PCDHA10: variants seen among roughly 807,000 people sequenced by gnomAD.
The protein encoded by PCDHA10 is protocadherin alpha-10.
PCDHA10 carries 45 observed loss-of-function variants against 61.2 expected under a neutral mutation model. That is an observed-to-expected ratio of 0.74 (90% CI 0.58 to 0.94). The LOEUF (loss-of-function observed/expected upper bound fraction) is 0.94, where lower values mean the gene tolerates loss of function less well. Ranked by LOEUF, PCDHA10 falls within the 40% of genes least tolerant of loss-of-function variation. The pLI is 0.00. For missense variants in PCDHA10, 1,278 were observed against 1,236.2 expected (o/e 1.03, Z -0.51); for synonymous variants, 602 against 548.8 (o/e 1.10, Z -1.35).
chr5:140,967,009 T>G, intron 1 of PCDHA10: 1 of 1,606,176 alleles, frequency 6.2e-7, no homozygotes, highest in Non-Finnish European at 8.5e-7. Flanking sequence ...GCATCAACCA[T>G]CTGGGTGCGC....
intron 1 of PCDHA10, among the ~76,000 whole-genome samples, chr5:140,936,916 A>C (rs782442769): frequency 3.0e-4 from 46 of 152,222 alleles, no homozygotes; most frequent in Non-Finnish European, 6.6e-4. Context: ...ATCTGTAGAA[A>C]ATATGGGGTA....
intron 1 of PCDHA10, among the ~76,000 whole-genome samples, chr5:140,956,438 G>A (rs891696288): frequency 1.3e-5 from 2 of 152,154 alleles, no homozygotes; most frequent in Non-Finnish European, 2.9e-5. Context: ...TTCTGCTTAT[G>A]TGATGAATTA....
Position 141,005,651 on chromosome 5 carries a change from G to A in PCDHA10, c.2537-3976G>A, listed in dbSNP as rs1554260215. ...CGGGAGGCGGAGCTTGCAGTGAGTC[G>A]AGATCGCGCCACTGCACTCCAGCCT... On this transcript the variant is annotated intron_variant, in intron 3 of 3. Coordinates refer to ENST00000307360, the MANE Select transcript of PCDHA10 (RefSeq NM_018901.4). Among the ~76,000 whole-genome samples, 4 of 131,238 alleles carry A rather than the reference G, an allele frequency of 3.0e-5. No homozygotes were observed. In the East Asian group the frequency reaches 7.0e-4, roughly 23 times the overall value. The allele number at this position is 131,238 out of a possible 152,430, so 86.1% of individuals were successfully genotyped here.
At chr5:140,891,499 C>T (rs896936552) in intron 1 of PCDHA10, among the ~76,000 whole-genome samples, 1 of 151,838 alleles carries the variant, frequency 6.6e-6, no homozygotes, top group South Asian at 2.1e-4. Flanking sequence ...ATATCCTCAG[C>T]TATAATGTTC....
intron 1 of PCDHA10, among the ~76,000 whole-genome samples, chr5:140,952,123 C>T (rs1182943342): frequency 6.6e-6 from 1 of 152,056 alleles, no homozygotes; most frequent in Non-Finnish European, 1.5e-5. Context: ...GATGGGCTCC[C>T]AAGGCCTTGG....
intron 1 of PCDHA10, among the ~76,000 whole-genome samples, chr5:140,899,424 T>A (rs1437811361): frequency 6.6e-6 from 1 of 152,206 alleles, no homozygotes; most frequent in African/African-American, 2.4e-5. Flanking sequence ...TTGTCAAAGG[T>A]CTTTTCTGCA....
chr5:140,891,921 C>G (rs1405172226), intron 1 of PCDHA10, among the ~76,000 whole-genome samples: 1 of 152,234 alleles, frequency 6.6e-6, no homozygotes, highest in African/African-American at 2.4e-5. Flanking sequence ...ATGCTGGTGC[C>G]TTGATCTTGG....
chr5:140,966,075 T>C (rs1164431515), intron 1 of PCDHA10: 1 of 153,402 alleles, frequency 6.5e-6, no homozygotes, highest in Non-Finnish European at 1.4e-5. Context: ...CCCTGCGTTG[T>C]TTCCTTTTAA....
chr5:140,962,008 C>T (rs1363169601), intron 1 of PCDHA10, among the ~76,000 whole-genome samples: 5 of 152,088 alleles, frequency 3.3e-5, no homozygotes, highest in South Asian at 2.1e-4. Context: ...CTCAGCTTCC[C>T]GAGTAGCTGG....
intron 1 of PCDHA10, among the ~76,000 whole-genome samples, chr5:140,911,672 C>T (rs1010402307): frequency 2.6e-5 from 4 of 152,154 alleles, no homozygotes; most frequent in Non-Finnish European, 5.9e-5. Flanking sequence ...TTGCCTCTCA[C>T]GAACCGTGCA....
At position 140,942,948 on chromosome 5, in the gene PCDHA10, C is replaced by T. The variant is rs534534050; in HGVS notation, c.2389-36001C>T. 1.4e-4 allele frequency among the ~76,000 whole-genome samples: 22 copies of T among 151,804 alleles called. No individual in the cohort carries two copies. The South Asian group carries it at 4.0e-3, about 27-fold the overall frequency. On this transcript the variant is annotated intron_variant, in intron 1 of 3. Transcript: ENST00000307360. ...ATTGAAAAAGAGTTTAAAGTGTAGA[C>T]GTTCTGTTATCAGAATTAAATTTTG... is the stretch of plus-strand genomic sequence containing the variant.
At chr5:140,924,464 G>A (rs1358240470) in intron 1 of PCDHA10, among the ~76,000 whole-genome samples, 1 of 152,196 alleles carries the variant, frequency 6.6e-6, no homozygotes, top group Non-Finnish European at 1.5e-5. Flanking sequence ...TGTTTAGGGA[G>A]GTAACTGGTT....
intron 1 of PCDHA10, chr5:140,927,462 A>C (rs782679625): frequency 6.2e-7 from 1 of 1,614,138 alleles, no homozygotes; most frequent in East Asian, 2.2e-5. Flanking sequence ...TGGAGAAAGC[A>C]CTGGATCGCG....
Position 140,857,401 on chromosome 5 carries a change from G to C in PCDHA10, c.1353G>C (p.Ala451=). 3 of 1,598,170 alleles carry C rather than the reference G, an allele frequency of 1.9e-6. No homozygotes were observed. The highest frequency in any genetic ancestry group is 2.6e-6 in the Non-Finnish European group (3 of 1,167,812). The change falls in exon 1 of 4, where the codon GCG becomes GCC. Residue 451 remains alanine (A), a synonymous_variant. Coordinates refer to ENST00000307360, the MANE Select transcript of PCDHA10 (RefSeq NM_018901.4). Reference sequence around the variant, plus strand: ...AGGTGGCCGACGTGAACGACAACGCGCCTGCGTTCGCGCAGTCCGAGTACA... The same window carrying C: ...AGGTGGCCGACGTGAACGACAACGCCCCTGCGTTCGCGCAGTCCGAGTACA... The part of the protein sequence containing the change: ...SVEVADVNDN[A]PAFAQSEYTV...
intron 1 of PCDHA10, among the ~76,000 whole-genome samples, chr5:140,890,695 A>T (rs1196447488): frequency 6.6e-6 from 1 of 152,200 alleles, no homozygotes; most frequent in Non-Finnish European, 1.5e-5. Context: ...AAATGCAGGG[A>T]CCTTACATTT....
intron 1 of PCDHA10, chr5:140,864,877 T>C (rs1475391841): frequency 6.6e-6 from 1 of 152,220 alleles, no homozygotes; most frequent in Non-Finnish European, 1.5e-5. Flanking sequence ...CCATTGTCTG[T>C]GTTCATTAAG....
intron 1 of PCDHA10, chr5:140,862,600 TTCG>T (rs1554156642): frequency 1.9e-6 from 1 of 513,664 alleles, no homozygotes; most frequent in East Asian, 5.2e-5. Context: ...GTACATGGTG[TTCG>T]TGAAAGGTAA....
chr5:140,917,152 G>A (rs1407958115), intron 1 of PCDHA10, among the ~76,000 whole-genome samples: 1 of 152,012 alleles, frequency 6.6e-6, no homozygotes, highest in Admixed American at 6.6e-5. Context: ...GCTGCTGGGG[G>A]ATATGGGAGG....
chr5:140,917,338 G>GGGGGGGT (rs2078134893), intron 1 of PCDHA10, among the ~76,000 whole-genome samples: 1 of 137,894 alleles, frequency 7.3e-6, no homozygotes, highest in Non-Finnish European at 1.6e-5. Context: ...GGAGGGGGGG[G>GGGGGGGT]ATGGTGTAGG....
Sources: allele counts gnomAD v4.1 joint callset (sites outside exome capture counted in the v4.1 genomes callset), GRCh38; gene constraint gnomAD v4.1.1; transcripts MANE v1.5; gene names NCBI Gene and HGNC (gene_info 2026-07-23, HGNC 2026-07-21).